Variants in MYO9A observed in about 807,000 individuals in gnomAD.
The protein encoded by MYO9A is unconventional myosin-IXa.
Under a neutral mutation model 293.3 loss-of-function variants are expected in MYO9A, and 103 were observed. The observed-to-expected ratio is 0.35, with a 90% CI of 0.30 to 0.41. The LOEUF (loss-of-function observed/expected upper bound fraction) is 0.41, where lower values mean the gene tolerates loss of function less well. Ranked by LOEUF, MYO9A falls within the 10% of genes least tolerant of loss-of-function variation. MYO9A has a pLI of 1.00. For synonymous variants in MYO9A, 1,001 were observed against 1,035.7 expected (o/e 0.97, Z 0.64); for missense variants, 2,685 against 3,033.0 (o/e 0.89, Z 2.69).
intron 1 of MYO9A, among the ~76,000 whole-genome samples, chr15:72,051,260 T>C (rs1045618249): frequency 1.8e-4 from 27 of 152,164 alleles, no homozygotes; most frequent in African/African-American, 6.5e-4. Flanking sequence ...ACTGCCATGA[T>C]ACCAGCTGCA....
intron 39 of MYO9A, among the ~76,000 whole-genome samples, chr15:71,836,577 T>C (rs1232668379): frequency 1.3e-5 from 2 of 152,004 alleles, no homozygotes; most frequent in Non-Finnish European, 2.9e-5. Flanking sequence ...AACCCAAATG[T>C]CCATCAACAG....
At chr15:71,918,322 T>C (rs1243983161) in intron 18 of MYO9A, among the ~76,000 whole-genome samples, 1 of 152,192 alleles carries the variant, frequency 6.6e-6, no homozygotes, top group East Asian at 1.9e-4. Flanking sequence ...AACAAATCTA[T>C]GTTGTTTATA....
At chr15:72,087,018 G>A (rs948940072) in intron 1 of MYO9A, among the ~76,000 whole-genome samples, 28 of 152,042 alleles carry the variant, frequency 1.8e-4, no homozygotes, top group African/African-American at 5.8e-4. Context: ...CACCTGCCTC[G>A]GCCTCCCAAA....
chr15:72,084,104 C>T (rs902958101), intron 1 of MYO9A, among the ~76,000 whole-genome samples: 6 of 152,126 alleles, frequency 3.9e-5, no homozygotes, highest in African/African-American at 1.4e-4. Flanking sequence ...TAAGCTCTCC[C>T]ACTATTATGG....
intron 1 of MYO9A, among the ~76,000 whole-genome samples, chr15:72,109,596 A>G (rs1203405545): frequency 6.6e-6 from 1 of 152,072 alleles, no homozygotes; most frequent in African/African-American, 2.4e-5. Flanking sequence ...GCAAAATAAG[A>G]CAAAAATATT....
chr15:71,976,021 T>C (rs2076136610), intron 12 of MYO9A, among the ~76,000 whole-genome samples: 1 of 152,036 alleles, frequency 6.6e-6, no homozygotes, highest in Admixed American at 6.6e-5. Flanking sequence ...CTCGGGCAAA[T>C]TAATTGAACT....
chr15:72,010,041 TA>T (rs1164551360), intron 7 of MYO9A, among the ~76,000 whole-genome samples: 2 of 152,162 alleles, frequency 1.3e-5, no homozygotes, highest in Non-Finnish European at 2.9e-5. Context: ...TGAAGAGCTA[TA>T]AAAATAGTGT....
intron 5 of MYO9A, among the ~76,000 whole-genome samples, chr15:72,020,236 T>C (rs1332401298): frequency 6.6e-6 from 1 of 152,264 alleles, no homozygotes; most frequent in African/African-American, 2.4e-5. Flanking sequence ...TTAAATGACC[T>C]ATTGTTTTAC....
chr15:72,097,308 C>T (rs2080095348), intron 1 of MYO9A, among the ~76,000 whole-genome samples: 1 of 152,194 alleles, frequency 6.6e-6, no homozygotes, highest in Non-Finnish European at 1.5e-5. Flanking sequence ...TCTGCAGCCA[C>T]CACCATGAAG....
chr15:72,105,776 G>T (rs868097311), intron 1 of MYO9A, among the ~76,000 whole-genome samples: 1 of 152,004 alleles, frequency 6.6e-6, no homozygotes, highest in East Asian at 1.9e-4. Flanking sequence ...CAAAGTGCTG[G>T]GATTACAGGC....
At chr15:71,878,954 A>G (rs972898848) in intron 30 of MYO9A, among the ~76,000 whole-genome samples, 10 of 151,818 alleles carry the variant, frequency 6.6e-5, no homozygotes, top group Non-Finnish European at 1.3e-4. Flanking sequence ...ACGGGGTTTT[A>G]CCATATTGCC....
Position 71,904,956 on chromosome 15 carries a change from A to G in MYO9A, c.2736T>C (p.Phe912=). 1 of 1,605,558 alleles carries G rather than the reference A, an allele frequency of 6.2e-7. No individual in the cohort carries two copies. Among genetic ancestry groups the G allele is most frequent in the Non-Finnish European group, 8.5e-7 (1 of 1,174,380 alleles). ...CAGCATTAGAGCGAATGCATTTTAC[A>G]AAATATGGTTCTGCTTGACCAAGTG... ...METLGQAEPY[F]VKCIRSNAEK... is the part of the protein sequence containing the mutation. The change falls in exon 20 of 42, where the codon TTT becomes TTC. Residue 912 remains phenylalanine, a synonymous_variant. Transcript: ENST00000356056.
chr15:72,000,139 T>A (rs2076822157), intron 8 of MYO9A, among the ~76,000 whole-genome samples, 199 bp from the exon 9 acceptor site: 1 of 152,244 alleles, frequency 6.6e-6, no homozygotes, highest in African/African-American at 2.4e-5. Context: ...ATGGGTTTTT[T>A]CAAGTTAAAG....
chr15:72,001,645 T>C (rs1166938653), intron 8 of MYO9A, among the ~76,000 whole-genome samples: 2 of 151,496 alleles, frequency 1.3e-5, no homozygotes, highest in South Asian at 2.1e-4. Flanking sequence ...CAACATATGA[T>C]AGATCAATAA....
chr15:72,091,391 CTT>C lies in MYO9A; in HGVS notation c.-72+26287_-72+26288del, dbSNP rs986640614. Among the ~76,000 whole-genome samples the C allele has an allele frequency of 5.9e-4, 90 of 151,950 alleles. 1 individual carries two copies. Among genetic ancestry groups the C allele is most frequent in the Admixed American group, 8.5e-4 (13 of 15,262 alleles). ...TTTATTCTTTTCTTGTTTTTCTTTTCTTTCTTTTCTTGTCCTCTGTGACTGAG... is the reference window on the plus strand; with the variant it reads ...TTTATTCTTTTCTTGTTTTTCTTTTCTCTTTTCTTGTCCTCTGTGACTGAG... On this transcript the variant is annotated intron_variant, in intron 1 of 41. Transcript: ENST00000356056.
chr15:72,020,667 CTTA>C (rs950985808), intron 5 of MYO9A, among the ~76,000 whole-genome samples: 4 of 151,928 alleles, frequency 2.6e-5, no homozygotes, highest in Non-Finnish European at 2.9e-5. Flanking sequence ...CAATAAACAG[CTTA>C]TTATTATTTT....
intron 19 of MYO9A, 67 bp downstream of exon 19, chr15:71,916,303 T>C: frequency 6.4e-7 from 1 of 1,563,032 alleles, no homozygotes; most frequent in Non-Finnish European, 8.7e-7. Context: ...TGCAGATCAC[T>C]TTAACCTTTC....
intron 28 of MYO9A, 86 bp from the exon 29 acceptor site, chr15:71,880,644 A>G (rs1159128313): frequency 8.2e-7 from 1 of 1,216,292 alleles, no homozygotes. Context: ...AGTTCCTTTA[A>G]CAAGTCACTG....
chr15:72,101,001 C>T, intron 1 of MYO9A, among the ~76,000 whole-genome samples: 1 of 137,342 alleles, frequency 7.3e-6, no homozygotes, highest in Non-Finnish European at 1.6e-5. Context: ...GCCAGCCGCC[C>T]CGTCCGGGAG....
Sources: allele counts gnomAD v4.1 joint callset (sites outside exome capture counted in the v4.1 genomes callset), GRCh38; gene constraint gnomAD v4.1.1; transcripts MANE v1.5; gene names NCBI Gene and HGNC (gene_info 2026-07-23, HGNC 2026-07-21).